The following NCKAP5 variants were observed in gnomAD, a reference collection of about 807,000 sequenced individuals.
The protein encoded by NCKAP5 is NCK associated protein 5.
Under a neutral mutation model 167.0 loss-of-function variants are expected in NCKAP5, and 92 were observed. The ratio of observed to expected loss-of-function variants is 0.55; its 90% confidence interval spans 0.47 to 0.66. NCKAP5 has a LOEUF of 0.66. Among genes scored for constraint, NCKAP5 ranks in the 30% least tolerant of loss-of-function variants. NCKAP5 has a pLI of 0.00. For missense variants in NCKAP5, 2,378 were observed against 2,315.0 expected (o/e 1.03, Z -0.56); for synonymous variants, 891 against 877.4 (o/e 1.02, Z -0.27).
chr2:133,616,042 T>C, the NCKAP5 span, among the ~76,000 whole-genome samples: 7 of 151,092 alleles, frequency 4.6e-5, no homozygotes, highest in Non-Finnish European at 1.0e-4. Context: ...AACCTGCTCC[T>C]GAATGACTAC....
At position 132,989,620 on chromosome 2, in the gene NCKAP5, T is replaced by A. The variant is rs528358879; in HGVS notation, c.429+4532A>T. On this transcript the variant is annotated intron_variant, in intron 7 of 19. Coordinates refer to ENST00000409261, the MANE Select transcript of NCKAP5 (RefSeq NM_207363.3). ...CAGGGGGAATGAGAATCGAACATTT[T>A]ATAGCTTGTTAATATATCTCAGTTT... Among the ~76,000 whole-genome samples the A allele has an allele frequency of 2.6e-5, 4 of 152,294 alleles. 1 individual carries two copies. The South Asian group carries it at 8.3e-4, about 32-fold the overall frequency.
intron 1 of NCKAP5, among the ~76,000 whole-genome samples, chr2:133,566,626 A>G (rs1471152613): frequency 6.6e-6 from 1 of 152,158 alleles, no homozygotes; most frequent in African/African-American, 2.4e-5. Context: ...TTCTTTTTCA[A>G]TATTTAAGAA....
intron 13 of NCKAP5, among the ~76,000 whole-genome samples, chr2:132,789,714 G>A (rs995642588): frequency 4.6e-5 from 7 of 152,164 alleles, no homozygotes; most frequent in African/African-American, 1.7e-4. Flanking sequence ...GCAGATGGGA[G>A]TCATTCTAGT....
At chr2:132,799,524 G>T (rs941773665) in intron 11 of NCKAP5, among the ~76,000 whole-genome samples, 1 of 152,154 alleles carries the variant, frequency 6.6e-6, no homozygotes, top group Admixed American at 6.6e-5. Flanking sequence ...TACTACCACA[G>T]GTATAGAGAG....
intron 8 of NCKAP5, among the ~76,000 whole-genome samples, chr2:132,924,452 A>C (rs1695692003): frequency 6.6e-6 from 1 of 152,044 alleles, no homozygotes; most frequent in Non-Finnish European, 1.5e-5. Context: ...CAGATAGGTC[A>C]CTCCTTTTGT....
chr2:133,460,909 CATTA>C (rs1225969329), intron 3 of NCKAP5, among the ~76,000 whole-genome samples: 3 of 151,988 alleles, frequency 2.0e-5, no homozygotes, highest in African/African-American at 7.2e-5. Context: ...TAAATCAAAG[CATTA>C]TTTATAGTTT....
chr2:132,704,695 G>C (rs1281798812), intron 19 of NCKAP5, among the ~76,000 whole-genome samples: 2 of 152,062 alleles, frequency 1.3e-5, no homozygotes, highest in Non-Finnish European at 2.9e-5. Context: ...TTCCTACTCA[G>C]TTTAGTCTCC....
intron 6 of NCKAP5, among the ~76,000 whole-genome samples, chr2:133,025,073 C>T (rs1229426979): frequency 6.6e-6 from 1 of 152,158 alleles, no homozygotes; most frequent in Non-Finnish European, 1.5e-5. Flanking sequence ...CAATTACCAC[C>T]CTAGAGAAAC....
intron 3 of NCKAP5, among the ~76,000 whole-genome samples, chr2:133,420,395 C>T (rs1277879463): frequency 6.6e-6 from 1 of 152,146 alleles, no homozygotes; most frequent in African/African-American, 2.4e-5. Context: ...TACGAAATGT[C>T]CAGAATAGGC....
chr2:133,476,378 C>T (rs778613886), intron 3 of NCKAP5, among the ~76,000 whole-genome samples: 1 of 152,144 alleles, frequency 6.6e-6, no homozygotes, highest in Non-Finnish European at 1.5e-5. Context: ...AACTTCATAA[C>T]CTGTAAGGGT....
intron 8 of NCKAP5, among the ~76,000 whole-genome samples, chr2:132,887,404 T>C (rs1165710755): frequency 1.1e-5 from 1 of 88,756 alleles, no homozygotes; most frequent in Non-Finnish European, 2.7e-5. Context: ...TCCATCCATG[T>C]TGGTGCAAAT....
At chr2:132,860,885 T>C (rs931692173) in intron 10 of NCKAP5, among the ~76,000 whole-genome samples, 3 of 152,216 alleles carry the variant, frequency 2.0e-5, no homozygotes, top group African/African-American at 7.2e-5. Context: ...ATCTTAGCGA[T>C]ATGAAGTCAA....
intron 10 of NCKAP5, among the ~76,000 whole-genome samples, chr2:132,862,902 A>G (rs1331442285): frequency 6.6e-6 from 1 of 151,720 alleles, no homozygotes; most frequent in African/African-American, 2.4e-5. Context: ...GTGCACTGCA[A>G]CCTCCACCTC....
At chr2:133,016,257 G>A (rs986866466) in intron 6 of NCKAP5, among the ~76,000 whole-genome samples, 4 of 152,212 alleles carry the variant, frequency 2.6e-5, no homozygotes, top group African/African-American at 9.6e-5. Context: ...ACACACAAAA[G>A]AGCTTGGTGT....
chr2:132,751,773 G>A (rs1431137029), intron 16 of NCKAP5, among the ~76,000 whole-genome samples: 6 of 152,198 alleles, frequency 3.9e-5, no homozygotes, highest in Non-Finnish European at 8.8e-5. Flanking sequence ...AGGGGTTGGT[G>A]AAAAGTGGGG....
chr2:133,411,444 G>T (rs554910253), intron 3 of NCKAP5, among the ~76,000 whole-genome samples: 1 of 152,346 alleles, frequency 6.6e-6, no homozygotes, highest in African/African-American at 2.4e-5. Context: ...AGCTGTGTGG[G>T]ATGAGGAGAA....
At chr2:132,688,879 G>T (rs557730879) in intron 19 of NCKAP5, among the ~76,000 whole-genome samples, 2 of 151,676 alleles carry the variant, frequency 1.3e-5, no homozygotes, top group East Asian at 1.9e-4. Context: ...CCACCTACTT[G>T]GGAGGCAGAG....
At chr2:133,223,714 T>C (rs10469579) in intron 4 of NCKAP5, among the ~76,000 whole-genome samples, 1 of 152,106 alleles carries the variant, frequency 6.6e-6, no homozygotes, top group Non-Finnish European at 1.5e-5. Context: ...GGAGACTCTA[T>C]CAACATCCAT....
chr2:133,505,941 T>C (rs1183185638), intron 3 of NCKAP5, among the ~76,000 whole-genome samples: 3 of 152,222 alleles, frequency 2.0e-5, no homozygotes, highest in African/African-American at 7.2e-5. Flanking sequence ...CAATTCCTTG[T>C]TCTTTATTTC....
Sources: gnomAD v4.1 joint callset for allele counts (sites outside exome capture counted in the v4.1 genomes callset) on GRCh38, gnomAD v4.1.1 for gene constraint, MANE v1.5 for transcripts, NCBI Gene and HGNC (gene_info 2026-07-23, HGNC 2026-07-21) for gene names.